Variants in NOCT observed in about 807,000 individuals in gnomAD.
The protein encoded by NOCT is nocturnin, also known as CCR4 carbon catabolite repression 4-like.
A neutral mutation model predicts 35.0 loss-of-function variants in NOCT; 18 were observed. That is an observed-to-expected ratio of 0.51 (90% CI 0.36 to 0.76). NOCT has a LOEUF of 0.76. NOCT is among the 30% of genes least tolerant of loss of function. The probability of loss-of-function intolerance (pLI) is 0.01; values close to 1 mark genes in which losing one functional copy is unlikely to be tolerated. For synonymous variants in NOCT, 235 were observed against 226.3 expected, an observed-to-expected ratio of 1.04 and a Z score of -0.34; for missense variants, 479 against 541.0, an observed-to-expected ratio of 0.89 and a Z score of 1.14.
chr4:139,019,700 G>A (rs1256221575), intron 1 of NOCT, among the ~76,000 whole-genome samples: 1 of 151,966 alleles, frequency 6.6e-6, no homozygotes, highest in African/African-American at 2.4e-5. Context: ...CAGATTCCAG[G>A]TTGTTAGAAT....
intron 1 of NOCT, among the ~76,000 whole-genome samples, chr4:139,033,866 G>A (rs1726670217): frequency 6.6e-6 from 1 of 151,798 alleles, no homozygotes; most frequent in Non-Finnish European, 1.5e-5. Flanking sequence ...ACAGGCACAT[G>A]CCACCATGCC....
Position 139,045,399 on chromosome 4 carries a change from C to G in NOCT, c.1221C>G (p.Ser407=), listed in dbSNP as rs772252609. 6.2e-7 allele frequency: 1 copy of G among 1,613,790 alleles called. No homozygotes were observed. Residue 407 remains serine, a synonymous_variant, in exon 3 of 3, where the codon TCC becomes TCG. Transcript: ENST00000280614. ...EEQIGPNRLP[S]FNYPSDHLSL... Reference sequence around the variant, plus strand: ...AGATTGGACCCAACAGGTTACCTTCCTTCAATTATCCTTCAGACCACCTGT... The same window carrying G: ...AGATTGGACCCAACAGGTTACCTTCGTTCAATTATCCTTCAGACCACCTGT...
intron 1 of NOCT, among the ~76,000 whole-genome samples, chr4:139,042,862 C>A (rs1048817850): frequency 6.7e-6 from 1 of 148,778 alleles, no homozygotes; most frequent in Non-Finnish European, 1.5e-5. Context: ...TGCGGTGAGC[C>A]GAGATTGTGC....
chr4:139,021,085 A>T (rs1179580448), intron 1 of NOCT, among the ~76,000 whole-genome samples: 1 of 151,748 alleles, frequency 6.6e-6, no homozygotes, highest in African/African-American at 2.4e-5. Flanking sequence ...AAAAAAAAAA[A>T]AAAAGGATCT....
chr4:139,041,937 T>C (rs982878200), intron 1 of NOCT, among the ~76,000 whole-genome samples: 16 of 152,250 alleles, frequency 1.1e-4, no homozygotes, highest in Non-Finnish European at 1.5e-5. Context: ...GCCATTACTT[T>C]CCCCAACAGA....
intron 1 of NOCT, among the ~76,000 whole-genome samples, chr4:139,030,142 G>A (rs1246407842): frequency 6.6e-6 from 1 of 152,174 alleles, no homozygotes; most frequent in Non-Finnish European, 1.5e-5. Context: ...CCCTCTCAAA[G>A]TGCTGAGACT....
chr4:139,015,794 G>T lies in NOCT; in HGVS notation c.-188G>T, dbSNP rs1338467627. ...AGGTCTCACAGCAGACGGTGCCGAC[G>T]CAGCGGTGTTGCACCTCCCTCTCCG... On this transcript the variant is annotated 5_prime_UTR_variant, in exon 1 of 3. Coordinates refer to ENST00000280614, the MANE Select transcript of NOCT (RefSeq NM_012118.4). 5.1e-6 allele frequency: 2 copies of T among 388,748 alleles called. No individual in the cohort carries two copies. Among genetic ancestry groups the T allele is most frequent in the Non-Finnish European group, 8.6e-6 (2 of 231,234 alleles). The allele number at this position is 388,748 out of a possible 1,614,324, so 24.1% of individuals were successfully genotyped here.
chr4:139,043,183 G>A lies in NOCT; in HGVS notation c.300G>A (p.Glu100=), dbSNP rs61731324. The change falls in exon 2 of 3, where the codon GAG becomes GAA. Residue 100 remains glutamate (E), a synonymous_variant. Transcript: ENST00000280614. ...AGTATTTGGTGTCACCTGACCCAGA[G>A]CATCTGGAGCCCATTGATCCTAAAG... The part of the protein sequence containing the change: ...HPEYLVSPDP[E]HLEPIDPKEL... The A allele has an allele frequency of 0.011, 18,500 of 1,614,100 alleles. 986 individuals carry two copies. The African/African-American group carries it at 0.14, about 12-fold the overall frequency.
chr4:139,043,083 TG>T lies in NOCT; in HGVS notation c.203del (p.Gly68GlufsTer15). 1 of 1,596,170 alleles carries T rather than the reference TG, an allele frequency of 6.3e-7. No homozygotes were observed. Among genetic ancestry groups the T allele is most frequent in the East Asian group, 2.3e-5 (1 of 44,328 alleles). On this transcript the variant is annotated frameshift_variant, in exon 2 of 3. Transcript: ENST00000280614. LOFTEE classifies it high-confidence loss of function. ...ATTTCCTTTTCCGTAGTGTGTTCCA[TG>T]GGAACCGGTACAAGCAGACTCTATA... is the stretch of plus-strand genomic sequence containing the variant. ...ARSCSRTVCS[M>X]GTGTSRLYSA...
rs1346695021 is a variant in NOCT, at chr4:139,025,607, C to T, written c.190+9436C>T. On this transcript the variant is annotated intron_variant, in intron 1 of 2. Transcript: ENST00000280614. The stretch of plus-strand genomic sequence containing the variant: ...GGGCAGATTGGGAGTTCCAGACCAA[C>T]CTGGCCAGCATAGTGAAACCCTGTC... 2.6e-5 allele frequency among the ~76,000 whole-genome samples: 4 copies of T among 152,256 alleles called. 1 individual carries two copies. The East Asian group carries it at 7.7e-4, about 29-fold the overall frequency.
intron 1 of NOCT, among the ~76,000 whole-genome samples, chr4:139,034,122 C>G (rs1726681016): frequency 6.6e-6 from 1 of 152,138 alleles, no homozygotes; most frequent in Non-Finnish European, 1.5e-5. Context: ...TGGTAAGGGC[C>G]TTGTTGCTGT....
chr4:139,018,257 A>G (rs188198665), intron 1 of NOCT, among the ~76,000 whole-genome samples: 3 of 152,218 alleles, frequency 2.0e-5, no homozygotes, highest in African/African-American at 4.8e-5. Context: ...GTACCAGCTT[A>G]TATCTTAAAT....
At chr4:139,022,398 A>G (rs932348010) in intron 1 of NOCT, among the ~76,000 whole-genome samples, 6 of 152,204 alleles carry the variant, frequency 3.9e-5, no homozygotes, top group Admixed American at 3.9e-4. Flanking sequence ...AAGGCTAAAC[A>G]AAATTGGTAC....
chr4:139,025,985 T>C (rs1472706533), intron 1 of NOCT, among the ~76,000 whole-genome samples: 1 of 152,244 alleles, frequency 6.6e-6, no homozygotes, highest in East Asian at 1.9e-4. Flanking sequence ...GGAATTTGTA[T>C]ATGAAAATTG....
At position 139,044,932 on chromosome 4, in the gene NOCT, A is replaced by G; in HGVS notation, c.754A>G (p.Asn252Asp). 3 of 1,614,212 alleles carry G rather than the reference A, an allele frequency of 1.9e-6. No individual in the cohort carries two copies. Among genetic ancestry groups the G allele is most frequent in the East Asian group, 2.2e-5 (1 of 44,886 alleles). ...QNRFKLVNSANIRLTAMTLKT... is the reference protein window; with the variant it reads ...QNRFKLVNSADIRLTAMTLKT... Reference sequence around the variant, plus strand: ...CCGATTCAAGCTAGTCAACAGTGCCAATATTAGGCTGACAGCCATGACATT... The same window carrying G: ...CCGATTCAAGCTAGTCAACAGTGCCGATATTAGGCTGACAGCCATGACATT... Residue 252 changes from asparagine (N) to aspartate (D), a missense_variant, in exon 3 of 3, where the codon AAT (asparagine) becomes GAT (aspartate). Asn to Asp is a conservative substitution (Grantham distance 23, BLOSUM62 1). Coordinates refer to ENST00000280614, the MANE Select transcript of NOCT (RefSeq NM_012118.4).
intron 2 of NOCT, 109 bp downstream of exon 2, chr4:139,043,452 A>G (rs1726875398): frequency 1.9e-6 from 2 of 1,080,204 alleles, no homozygotes; most frequent in Non-Finnish European, 2.8e-6. Flanking sequence ...GTGTGGGCAG[A>G]TGGAGGTGAC....
At chr4:139,041,400 C>T (rs551244405) in intron 1 of NOCT, among the ~76,000 whole-genome samples, 36 of 152,268 alleles carry the variant, frequency 2.4e-4, no homozygotes, top group African/African-American at 8.2e-4. Flanking sequence ...CTTTGTATCT[C>T]TCAAGAGAGG....
intron 1 of NOCT, among the ~76,000 whole-genome samples, chr4:139,029,242 T>C (rs1189386359): frequency 1.3e-5 from 2 of 152,252 alleles, no homozygotes; most frequent in African/African-American, 4.8e-5. Context: ...AAGTACCTCT[T>C]GTTTAACTAA....
intron 1 of NOCT, among the ~76,000 whole-genome samples, chr4:139,037,659 C>A (rs1418982218): frequency 2.0e-5 from 3 of 152,168 alleles, no homozygotes; most frequent in African/African-American, 7.2e-5. Context: ...TTCCCCCGTT[C>A]TAACCCAGAT....
Sources: allele counts gnomAD v4.1 joint callset (sites outside exome capture counted in the v4.1 genomes callset), GRCh38; gene constraint gnomAD v4.1.1; transcripts MANE v1.5; gene names NCBI Gene and HGNC (gene_info 2026-07-23, HGNC 2026-07-21).